Variants in WWOX observed in about 807,000 individuals in gnomAD.
WWOX encodes the protein WW domain-containing oxidoreductase.
WWOX carries 69 observed loss-of-function variants against 46.2 expected under a neutral mutation model. The observed-to-expected ratio is 1.49, with a 90% CI of 1.23 to 1.82. WWOX has a LOEUF of 1.82. WWOX is among the 40% of genes most tolerant of loss of function. The probability of loss-of-function intolerance (pLI) is 0.00; values close to 1 mark genes in which losing one functional copy is unlikely to be tolerated. For synonymous variants in WWOX, 359 were observed against 202.6 expected, an observed-to-expected ratio of 1.77 and a Z score of -6.56; for missense variants, 919 against 542.6, an observed-to-expected ratio of 1.69 and a Z score of -6.89.
intron 6 of WWOX, among the ~76,000 whole-genome samples, chr16:78,420,025 A>G (rs1303936408): frequency 6.6e-6 from 1 of 152,198 alleles, no homozygotes; most frequent in East Asian, 1.9e-4. Flanking sequence ...GAATACATAA[A>G]AGATGTTCAA....
At chr16:79,155,266 C>T (rs12933716) in intron 8 of WWOX, among the ~76,000 whole-genome samples, 1 of 151,970 alleles carries the variant, frequency 6.6e-6, no homozygotes, top group Admixed American at 6.6e-5. Context: ...GTTCCAGCTA[C>T]TCGGGAGGCC....
intron 5 of WWOX, among the ~76,000 whole-genome samples, chr16:78,190,859 C>T (rs933608335): frequency 7.2e-5 from 11 of 152,088 alleles, no homozygotes; most frequent in Admixed American, 2.0e-4. Context: ...GTCATGGGTT[C>T]GCTATACTTT....
chr16:78,217,677 C>T (rs1189134251), intron 5 of WWOX, among the ~76,000 whole-genome samples: 1 of 152,122 alleles, frequency 6.6e-6, no homozygotes, highest in Non-Finnish European at 1.5e-5. Flanking sequence ...AAGTGTTTAA[C>T]ACATGCCTGA....
chr16:78,995,893 C>T (rs775570540), intron 8 of WWOX, among the ~76,000 whole-genome samples: 9 of 152,138 alleles, frequency 5.9e-5, no homozygotes, highest in Non-Finnish European at 1.0e-4. Context: ...TAAATGGGAT[C>T]ATTTCCAAAC....
intron 8 of WWOX, among the ~76,000 whole-genome samples, chr16:78,691,028 T>C (rs2047974608): frequency 6.6e-6 from 1 of 152,222 alleles, no homozygotes; most frequent in African/African-American, 2.4e-5. Flanking sequence ...TAAGCAGACA[T>C]ACTCGATACA....
intron 8 of WWOX, among the ~76,000 whole-genome samples, chr16:78,594,609 T>A (rs529536504): frequency 9.2e-5 from 14 of 152,142 alleles, no homozygotes; most frequent in African/African-American, 2.2e-4. Flanking sequence ...CCTTTCCTGG[T>A]TGTTTCCAGA....
intron 8 of WWOX, among the ~76,000 whole-genome samples, chr16:79,012,662 A>G (rs541595371): frequency 3.3e-5 from 5 of 152,348 alleles, no homozygotes; most frequent in Non-Finnish European, 7.3e-5. Flanking sequence ...GAATGAGGGA[A>G]CAAATATCCA....
intron 8 of WWOX, among the ~76,000 whole-genome samples, chr16:78,593,021 G>A (rs2045387752): frequency 6.6e-6 from 1 of 152,162 alleles, no homozygotes; most frequent in African/African-American, 2.4e-5. Flanking sequence ...AGGCTGGAAA[G>A]TACAGCCTTC....
At chr16:79,145,270 A>G (rs2050163797) in intron 8 of WWOX, among the ~76,000 whole-genome samples, 1 of 152,226 alleles carries the variant, frequency 6.6e-6, no homozygotes, top group Admixed American at 6.5e-5. Flanking sequence ...GCTCAAATTC[A>G]GAAGTCGTGA....
chr16:78,918,990 G>T (rs1179942712), intron 8 of WWOX, among the ~76,000 whole-genome samples: 1 of 152,090 alleles, frequency 6.6e-6, no homozygotes, highest in Non-Finnish European at 1.5e-5. Context: ...AGAACTTTCA[G>T]GTGGAAATAC....
At chr16:78,858,677 A>G (rs368635308) in intron 8 of WWOX, among the ~76,000 whole-genome samples, 1 of 151,940 alleles carries the variant, frequency 6.6e-6, no homozygotes, top group Non-Finnish European at 1.5e-5. Context: ...TGTTCCATCA[A>G]CATGTCCTTT....
chr16:78,634,344 T>A (rs1375561199), intron 8 of WWOX, among the ~76,000 whole-genome samples: 2 of 152,172 alleles, frequency 1.3e-5, no homozygotes, highest in African/African-American at 4.8e-5. Flanking sequence ...CATCCTTATC[T>A]CTTTCACTTA....
intron 5 of WWOX, among the ~76,000 whole-genome samples, chr16:78,278,369 T>A (rs2079616119): frequency 6.6e-6 from 1 of 152,200 alleles, no homozygotes; most frequent in Non-Finnish European, 1.5e-5. Context: ...CAGAGAGCCA[T>A]AATAGTGTGT....
At chr16:78,299,132 C>G (rs150366593) in intron 5 of WWOX, among the ~76,000 whole-genome samples, 12 of 152,300 alleles carry the variant, frequency 7.9e-5, no homozygotes, top group Admixed American at 6.5e-5. Flanking sequence ...TTATCAGTAT[C>G]TGAAGAACCC....
chr16:79,061,721 CT>C (rs1477434332), intron 8 of WWOX, among the ~76,000 whole-genome samples: 1 of 152,206 alleles, frequency 6.6e-6, no homozygotes, highest in Admixed American at 6.5e-5. Flanking sequence ...CCTAATTTTG[CT>C]CAGGGCTACT....
intron 8 of WWOX, among the ~76,000 whole-genome samples, chr16:79,076,336 G>C (rs532088477): frequency 1.3e-5 from 2 of 152,262 alleles, no homozygotes; most frequent in South Asian, 4.2e-4. Context: ...GGGCCTTCTT[G>C]GAAACCCTGA....
At position 78,575,006 on chromosome 16, in the gene WWOX, T is replaced by A. The variant is rs1463776559; in HGVS notation, c.1056+142254T>A. 2.2e-4 allele frequency among the ~76,000 whole-genome samples: 3 copies of A among 13,906 alleles called. 1 individual carries two copies. The highest frequency in any genetic ancestry group is 3.3e-4 in the Non-Finnish European group (3 of 9,020). The allele number at this position is 13,906 out of a possible 152,430, so 9.1% of individuals were successfully genotyped here. On this transcript the variant is annotated intron_variant, in intron 8 of 8. Coordinates refer to ENST00000566780, the MANE Select transcript of WWOX (RefSeq NM_016373.4). The stretch of plus-strand genomic sequence containing the variant: ...TCAATATTTATTTTTCAATTATATA[T>A]ATATATATATATATAAATATATATA...
rs368902462 is a variant in WWOX at position 78,115,006 on chromosome 16, C to T, written c.261C>T (p.Asp87=). The change falls in exon 4 of 9, where the codon GAC becomes GAT. Residue 87 remains aspartate, a synonymous_variant. Transcript: ENST00000566780. ...DHINKRTTYL[D]PRLAFTVDDN... ...TAAATAAAAGAACCACCTACTTGGACCCAAGACTGGCGTTTACTGTGGATG... is the reference window on the plus strand; with the variant it reads ...TAAATAAAAGAACCACCTACTTGGATCCAAGACTGGCGTTTACTGTGGATG... 7.4e-6 allele frequency: 12 copies of T among 1,614,104 alleles called. No homozygotes were observed. The highest frequency in any genetic ancestry group is 9.3e-6 in the Non-Finnish European group (11 of 1,180,056).
intron 8 of WWOX, among the ~76,000 whole-genome samples, chr16:79,062,505 C>T (rs574939714): frequency 2.7e-4 from 41 of 152,272 alleles, no homozygotes; most frequent in Admixed American, 4.6e-4. Flanking sequence ...CGATTATCCC[C>T]TGCAGAGGAA....
Sources: gnomAD v4.1 joint callset for allele counts (sites outside exome capture counted in the v4.1 genomes callset) on GRCh38, gnomAD v4.1.1 for gene constraint, MANE v1.5 for transcripts, NCBI Gene and HGNC (gene_info 2026-07-23, HGNC 2026-07-21) for gene names.